The following KPNA6 variants were observed in gnomAD, a reference collection of about 807,000 sequenced individuals.
KPNA6 encodes the protein importin subunit alpha-7.
KPNA6 carries 9 observed loss-of-function variants against 72.0 expected under a neutral mutation model. That is an observed-to-expected ratio of 0.13 (90% CI 0.08 to 0.22). The LOEUF is 0.22. KPNA6 is among the 10% of genes least tolerant of loss of function. KPNA6 has a pLI of 1.00. For missense variants in KPNA6, 374 were observed against 655.7 expected, an observed-to-expected ratio of 0.57 and a Z score of 4.69; for synonymous variants, 219 against 242.1, an observed-to-expected ratio of 0.90 and a Z score of 0.89.
rs12403328 is a variant in KPNA6 at position 32,121,404 on chromosome 1, G to T, written c.4+13270G>T. ...TGAATTTAAATTTGTGCATTTTGAG[G>T]ATTCTCTGACCTCCAGGGAAGTTGT... On this transcript the variant is annotated intron_variant, in intron 1 of 13. Transcript: ENST00000373625. Among the ~76,000 whole-genome samples the T allele has an allele frequency of 7.7e-3, 1,175 of 152,276 alleles. 55 individuals are homozygous for T. The highest frequency in any genetic ancestry group is 0.064 in the Admixed American group (984 of 15,268).
intron 1 of KPNA6, among the ~76,000 whole-genome samples, chr1:32,116,749 T>C (rs1641335477): frequency 6.6e-6 from 1 of 152,188 alleles, no homozygotes; most frequent in Non-Finnish European, 1.5e-5. Context: ...CCTTCCTCAC[T>C]AAGCTTAATC....
intron 10 of KPNA6, 65 bp from the exon 11 acceptor site, chr1:32,166,036 CAAAA>C: frequency 7.0e-7 from 1 of 1,435,862 alleles, no homozygotes; most frequent in Non-Finnish European, 9.3e-7. Flanking sequence ...ACAACAACAA[CAAAA>C]AAACATAAAA....
intron 1 of KPNA6, among the ~76,000 whole-genome samples, chr1:32,132,759 C>T (rs891865760): frequency 1.3e-5 from 2 of 152,084 alleles, no homozygotes; most frequent in Admixed American, 6.5e-5. Flanking sequence ...AAAAATTAGC[C>T]GGGCGTGGTG....
At chr1:32,114,498 T>C (rs1641296185) in intron 1 of KPNA6, among the ~76,000 whole-genome samples, 1 of 151,416 alleles carries the variant, frequency 6.6e-6, no homozygotes, top group African/African-American at 2.4e-5. Context: ...TGTAAACAGA[T>C]GTGCTGTCAT....
chr1:32,124,890 G>A (rs1028040322), intron 1 of KPNA6, among the ~76,000 whole-genome samples: 5 of 151,914 alleles, frequency 3.3e-5, no homozygotes, highest in African/African-American at 7.3e-5. Flanking sequence ...TGTCGCCCAG[G>A]CTGCAGTATA....
At chr1:32,131,101 C>T (rs1419140620) in intron 1 of KPNA6, among the ~76,000 whole-genome samples, 2 of 152,128 alleles carry the variant, frequency 1.3e-5, no homozygotes, top group African/African-American at 4.8e-5. Context: ...CGAGACCAGC[C>T]TGGCCAACAT....
chr1:32,118,414 T>A (rs1310228010), intron 1 of KPNA6, among the ~76,000 whole-genome samples: 1 of 151,990 alleles, frequency 6.6e-6, no homozygotes, highest in Admixed American at 6.6e-5. Context: ...GCTTTTCACA[T>A]CCTTTTTTCT....
intron 7 of KPNA6, 142 bp from the exon 8 acceptor site, chr1:32,161,805 C>T: frequency 1.5e-6 from 1 of 648,472 alleles, no homozygotes; most frequent in Non-Finnish European, 2.8e-6. Context: ...CCTATACCAG[C>T]TCTATTAACT....
chr1:32,115,071 C>G (rs1349158267), intron 1 of KPNA6, among the ~76,000 whole-genome samples: 1 of 151,996 alleles, frequency 6.6e-6, no homozygotes, highest in Non-Finnish European at 1.5e-5. Flanking sequence ...AACTCCTGAC[C>G]TCAAGTGATC....
chr1:32,142,919 A>T, intron 1 of KPNA6: 2 of 1,283,588 alleles, frequency 1.6e-6, no homozygotes, highest in Non-Finnish European at 2.0e-6. Context: ...ATGGTGACTA[A>T]AGAAGCTCAG....
intron 1 of KPNA6, among the ~76,000 whole-genome samples, chr1:32,149,931 G>A (rs1043798170): frequency 3.3e-5 from 5 of 151,718 alleles, no homozygotes; most frequent in African/African-American, 9.7e-5. Context: ...TCTGACTTAC[G>A]GTTTCTGACA....
chr1:32,119,645 G>C (rs758657488), intron 1 of KPNA6, among the ~76,000 whole-genome samples: 1 of 152,054 alleles, frequency 6.6e-6, no homozygotes, highest in Admixed American at 6.6e-5. Flanking sequence ...TGGCTGCTAC[G>C]CTCCAGCCAA....
At chr1:32,120,568 T>A (rs1641414548) in intron 1 of KPNA6, among the ~76,000 whole-genome samples, 1 of 151,132 alleles carries the variant, frequency 6.6e-6, no homozygotes, top group Non-Finnish European at 1.5e-5. Flanking sequence ...TTTAATTAAT[T>A]AATTAATTAT....
At chr1:32,109,167 A>G (rs1641199916) in intron 1 of KPNA6, among the ~76,000 whole-genome samples, 1 of 152,038 alleles carries the variant, frequency 6.6e-6, no homozygotes, top group African/African-American at 2.4e-5. Context: ...CTAGTTTGTA[A>G]CTGCTGTTTG....
intron 1 of KPNA6, among the ~76,000 whole-genome samples, chr1:32,146,847 C>G (rs1641937309): frequency 6.6e-6 from 1 of 151,346 alleles, no homozygotes; most frequent in South Asian, 2.1e-4. Flanking sequence ...CTGAAGGGCT[C>G]CCATTAGTTT....
In KPNA6 at chr1:32,157,326, A is replaced by T. The variant is rs372355923; in HGVS notation, c.232-20A>T. 6.3e-7 allele frequency: 1 copy of T among 1,599,138 alleles called. No individual in the cohort carries two copies. Among genetic ancestry groups the T allele is most frequent in the Non-Finnish European group, 8.6e-7 (1 of 1,166,658 alleles). Reference sequence around the variant, plus strand: ...CTCTAATGTTGGTTTGCAAAGTCCTAAACTTGTTTTATGTTCTAGGAGAGT... The same window carrying T: ...CTCTAATGTTGGTTTGCAAAGTCCTTAACTTGTTTTATGTTCTAGGAGAGT... On this transcript the variant is annotated intron_variant, in intron 3 of 13. Coordinates refer to ENST00000373625, the MANE Select transcript of KPNA6 (RefSeq NM_012316.5).
At chr1:32,127,963 T>C (rs985060649) in intron 1 of KPNA6, among the ~76,000 whole-genome samples, 7 of 152,136 alleles carry the variant, frequency 4.6e-5, no homozygotes, top group Admixed American at 2.0e-4. Context: ...CATTTGGTTA[T>C]CTGCAACACA....
chr1:32,119,012 ATATATATATATATATATATATT>A lies in KPNA6; in HGVS notation c.4+10880_4+10901del, dbSNP rs1290846596. Among the ~76,000 whole-genome samples, 15 of 65,250 alleles carry A rather than the reference ATATATATATATATATATATATT, an allele frequency of 2.3e-4. 2 individuals are homozygous for A. The highest frequency in any genetic ancestry group is 1.1e-3 in the Admixed American group (6 of 5,594). 42.8% of individuals were successfully genotyped at this position (65,250 alleles called of 152,430 possible). A position where few individuals can be genotyped will look rare whatever the true frequency, so the allele number is the denominator to read the frequency against. ...TGTGTGTATACATATATATATATAT[ATATATATATATATATATATATT>A]TTTTTTTTTTTTTTTGAGAGAGAGT... is the stretch of plus-strand genomic sequence containing the variant. On this transcript the variant is annotated intron_variant, in intron 1 of 13. Coordinates refer to ENST00000373625, the MANE Select transcript of KPNA6 (RefSeq NM_012316.5).
chr1:32,141,738 T>C (rs1162197611), intron 1 of KPNA6, among the ~76,000 whole-genome samples: 1 of 152,046 alleles, frequency 6.6e-6, no homozygotes, highest in Admixed American at 6.6e-5. Flanking sequence ...GGCGTGTCCT[T>C]GTGTCTCATG....
Sources: gnomAD v4.1 joint callset for allele counts (sites outside exome capture counted in the v4.1 genomes callset) on GRCh38, gnomAD v4.1.1 for gene constraint, MANE v1.5 for transcripts, NCBI Gene and HGNC (gene_info 2026-07-23, HGNC 2026-07-21) for gene names.